The following NBPF26 variants were observed in gnomAD, a reference collection of about 807,000 sequenced individuals.
NBPF26 encodes the protein NBPF family member NBPF26.
NBPF26 carries 79 observed loss-of-function variants against 119.6 expected under a neutral mutation model. The ratio of observed to expected loss-of-function variants is 0.66; its 90% CI spans 0.55 to 0.80. NBPF26 has a LOEUF of 0.80. Ranked by LOEUF, NBPF26 falls within the 30% of genes least tolerant of loss-of-function variation. The pLI, the probability that NBPF26 is intolerant of heterozygous loss-of-function variation, is 0.00. For synonymous variants in NBPF26, 299 were observed against 457.7 expected, an observed-to-expected ratio of 0.65 and a Z score of 4.43; for missense variants, 800 against 1,198.2, an observed-to-expected ratio of 0.67 and a Z score of 4.91.
At position 120,812,038 on chromosome 1, in the gene NBPF26, G is replaced by T. The variant is rs1651881852; in HGVS notation, c.1717G>T (p.Glu573Ter). The T allele has an allele frequency of 1.6e-5, 21 of 1,288,460 alleles. 2 individuals carry two copies. Among genetic ancestry groups the T allele is most frequent in the Non-Finnish European group, 2.2e-5 (21 of 943,522 alleles). 79.8% of individuals were successfully genotyped at this position (1,288,460 alleles called of 1,614,324 possible). ...GAAACAGCAGTTCAGAAACCTCAAA[G>T]AGAAATGTTTTCTAACTCAACTGGC... is the stretch of plus-strand genomic sequence containing the variant. Residue 573 changes from glutamate to a stop codon, truncating the protein, a stop_gained, in exon 10 of 30, where the codon GAG becomes TAG. Transcript: ENST00000620612. LOFTEE classifies it high-confidence loss of function.
rs1485397533 is a variant in NBPF26, at chr1:120,724,488, G to C, written c.73+238G>C. On this transcript the variant is annotated intron_variant, in intron 1 of 29. Transcript: ENST00000620612. Reference sequence around the variant, plus strand: ...CCCCGCGGCCCGGGACCCCTCACACGCCTCCTCGGCAGGAGGGAGGCCGGC... The same window carrying C: ...CCCCGCGGCCCGGGACCCCTCACACCCCTCCTCGGCAGGAGGGAGGCCGGC... Among the ~76,000 whole-genome samples, 14 of 121,266 alleles carry C rather than the reference G, an allele frequency of 1.2e-4. 3 individuals are homozygous for C. Among genetic ancestry groups the C allele is most frequent in the Admixed American group, 6.2e-4 (8 of 13,002 alleles). The allele number at this position is 121,266 out of a possible 152,430, so 79.6% of individuals were successfully genotyped here.
intron 2 of NBPF26, among the ~76,000 whole-genome samples, chr1:120,764,034 G>A (rs1227295912): frequency 3.5e-5 from 4 of 114,124 alleles, no homozygotes; most frequent in Non-Finnish European, 6.7e-5. Context: ...GAATCACGAG[G>A]TCAGGAGTTC....
intron 9 of NBPF26, 40 bp from the exon 10 acceptor site, chr1:120,811,846 A>G: frequency 1.4e-6 from 1 of 735,856 alleles, no homozygotes; most frequent in Non-Finnish European, 2.3e-6. Context: ...TGATTTCACC[A>G]GTTTTTAACC....
intron 2 of NBPF26, among the ~76,000 whole-genome samples, chr1:120,781,838 G>T (rs1651365309): frequency 8.5e-6 from 1 of 117,496 alleles, no homozygotes; most frequent in African/African-American, 4.8e-5. Context: ...GATTACTGGT[G>T]TGAGCCACCG....
At chr1:120,790,476 C>T (rs1226318413) in intron 3 of NBPF26, among the ~76,000 whole-genome samples, 2 of 116,448 alleles carry the variant, frequency 1.7e-5, no homozygotes, top group Non-Finnish European at 3.3e-5. Flanking sequence ...AAGTTAGTGC[C>T]TATACATAAT....
downstream of NBPF26, chr1:120,840,887 A>T (rs1315498376): frequency 1.5e-5 from 7 of 467,498 alleles, 2 homozygotes; most frequent in Non-Finnish European, 2.5e-5. Context: ...TTCCTCAGGG[A>T]TGTCATTTTG....
At chr1:120,820,445 AAAATAT>A (rs1176498047) in intron 15 of NBPF26, among the ~76,000 whole-genome samples, 5 of 18,948 alleles carry the variant, frequency 2.6e-4, no homozygotes, top group South Asian at 3.8e-3. Context: ...TAAAGTATTA[AAAATAT>A]ATATATATAT....
At chr1:120,814,734 C>G in intron 11 of NBPF26, 95 bp from the exon 12 acceptor site, 1 of 758,208 alleles carries the variant, frequency 1.3e-6, no homozygotes, top group Non-Finnish European at 2.3e-6. Context: ...TTCGAGGTCT[C>G]CTTGAGGACA....
chr1:120,805,671 G>T lies in NBPF26; in HGVS notation c.867G>T (p.Gln289His). ...AAATCAACGAGACATTGCGCCCCCA[G>T]CTGCCAGAGAACAAACAGCAGTTGA... The change falls in exon 5 of 30, where the codon CAG becomes CAT. Residue 289 changes from glutamine (Q) to histidine (H), a missense_variant. Gln to His is a conservative substitution (Grantham distance 24). Transcript: ENST00000620612. The T allele has an allele frequency of 2.1e-6, 3 of 1,458,518 alleles. 1 individual carries two copies. The highest frequency in any genetic ancestry group is 2.8e-6 in the Non-Finnish European group (3 of 1,079,560). The allele number at this position is 1,458,518 out of a possible 1,614,324, so 90.3% of individuals were successfully genotyped here.
At chr1:120,808,057 T>A (rs1651747923) in intron 6 of NBPF26, among the ~76,000 whole-genome samples, 2 of 120,476 alleles carry the variant, frequency 1.7e-5, no homozygotes, top group South Asian at 5.0e-4. Context: ...GAGAATCACC[T>A]CCTGACTGAC....
intron 7 of NBPF26, among the ~76,000 whole-genome samples, 181 bp downstream of exon 7, chr1:120,808,940 C>T (rs1651780870): frequency 9.4e-6 from 1 of 106,564 alleles, no homozygotes; most frequent in Non-Finnish European, 1.8e-5. Flanking sequence ...GTTTGGAGGT[C>T]ACAGTATTGC....
chr1:120,768,988 TG>T (rs1651226328), intron 2 of NBPF26, among the ~76,000 whole-genome samples: 1 of 108,822 alleles, frequency 9.2e-6, no homozygotes, highest in South Asian at 2.8e-4. Context: ...AAATATAAAG[TG>T]TTATAAAATA....
chr1:120,724,209 C>T lies in NBPF26; in HGVS notation c.32C>T (p.Ala11Val), dbSNP rs1283199927. The T allele has an allele frequency of 3.0e-5, 42 of 1,405,712 alleles. 9 individuals carry two copies. The highest frequency in any genetic ancestry group is 2.2e-4 in the East Asian group (9 of 41,208). The allele number at this position is 1,405,712 out of a possible 1,614,324, so 87.1% of individuals were successfully genotyped here. ...GCCCTGCGTCCCGCTCTGCTGTGGG[C>T]GCTGCTGGCGCTCTGGCTGTGCTGG... The change falls in exon 1 of 30, where the codon GCG (alanine) becomes GTG (valine). Residue 11 changes from alanine (A) to valine (V), a missense_variant. Physicochemically the swap from Ala to Val is moderately conservative, Grantham distance 64. Transcript: ENST00000620612.
chr1:120,816,833 C>G lies in NBPF26; in HGVS notation c.2371+6C>G, dbSNP rs1652018224. The stretch of plus-strand genomic sequence containing the variant: ...TGCTGTACACATTATTCCAGGTAGC[C>G]TCTGTTTTCCTTGTGTCTCATACCT... On this transcript the variant is annotated splice_donor_region_variant and intron_variant, in intron 14 of 29. Transcript: ENST00000620612. 46 of 1,448,050 alleles carry G rather than the reference C, an allele frequency of 3.2e-5. 11 individuals are homozygous for G. The South Asian group carries it at 5.5e-4, about 17-fold the overall frequency. The allele number at this position is 1,448,050 out of a possible 1,614,324, so 89.7% of individuals were successfully genotyped here.
Position 120,728,605 on chromosome 1 carries a change from A to G in NBPF26, c.73+4355A>G, listed in dbSNP as rs1387661700. On this transcript the variant is annotated intron_variant, in intron 1 of 29. Coordinates refer to ENST00000620612, the Ensembl canonical transcript of NBPF26. ...GTATTACTGTATTACTAGGCCAGCA[A>G]TTTCTGTTATTTTGTCCAGAATAGC... Among the ~76,000 whole-genome samples the G allele has an allele frequency of 3.4e-5, 4 of 117,330 alleles. 1 individual carries two copies. Among genetic ancestry groups the G allele is most frequent in the African/African-American group, 2.0e-4 (4 of 20,160 alleles). The allele number at this position is 117,330 out of a possible 152,430, so 77.0% of individuals were successfully genotyped here.
intron 2 of NBPF26, among the ~76,000 whole-genome samples, chr1:120,765,279 GTGGCATT>G (rs1485805427): frequency 1.3e-5 from 1 of 79,340 alleles, no homozygotes; most frequent in East Asian, 2.6e-4. Context: ...TAGTCTTTTT[GTGGCATT>G]TGGTGCCTTA....
In NBPF26 at chr1:120,763,664, A is replaced by G. The variant is rs1267349394; in HGVS notation, c.110A>G (p.Asn37Ser). 5 of 1,416,002 alleles carry G rather than the reference A, an allele frequency of 3.5e-6. No individual in the cohort carries two copies. The East Asian group carries it at 1.2e-4, about 33-fold the overall frequency. The allele number at this position is 1,416,002 out of a possible 1,614,324, so 87.7% of individuals were successfully genotyped here. The change falls in exon 2 of 30, where the codon AAT becomes AGT. Residue 37 changes from asparagine (N) to serine (S), a missense_variant. Asn to Ser is a conservative substitution (Grantham distance 46). Coordinates refer to ENST00000620612, the Ensembl canonical transcript of NBPF26. ...CGAGATGGCTATGAACCCTGTGTAAATAAAGGAATGTGTGTTACCTACCAC... is the reference window on the plus strand; with the variant it reads ...CGAGATGGCTATGAACCCTGTGTAAGTAAAGGAATGTGTGTTACCTACCAC...
In NBPF26 at chr1:120,793,439, A is replaced by G. The variant is rs1651517350; in HGVS notation, c.694A>G (p.Asn232Asp). The change falls in exon 4 of 30, where the codon AAT (asparagine) becomes GAT (aspartate). Residue 232 changes from asparagine (N) to aspartate (D), a missense_variant. Coordinates refer to ENST00000620612, the Ensembl canonical transcript of NBPF26. ...GCCCTGTGCACACTCGCCTTGTGTC[A>G]ATGGAGGCACCTGTCGGCAGACTGG... The G allele has an allele frequency of 2.8e-6, 4 of 1,441,670 alleles. 1 individual carries two copies. Among genetic ancestry groups the G allele is most frequent in the African/African-American group, 5.3e-5 (2 of 37,898 alleles). 89.3% of individuals were successfully genotyped at this position (1,441,670 alleles called of 1,614,324 possible). A position where few individuals can be genotyped will look rare whatever the true frequency, so the allele number is the denominator to read the frequency against.
rs1297436775 is a variant in NBPF26, at chr1:120,751,597, C to T, written c.74-12031C>T. ...AGGTAGGCCAGGGCATCTGCTCGTT[C>T]GCTCGCTCGCTTGCTCTTTCTCTCT... is the stretch of plus-strand genomic sequence containing the variant. On this transcript the variant is annotated intron_variant, in intron 1 of 29. Transcript: ENST00000620612. Among the ~76,000 whole-genome samples the T allele has an allele frequency of 3.6e-5, 2 of 56,326 alleles. 1 individual carries two copies. Among genetic ancestry groups the T allele is most frequent in the Non-Finnish European group, 8.2e-5 (2 of 24,430 alleles). The allele number at this position is 56,326 out of a possible 152,430, so 37.0% of individuals were successfully genotyped here.
Sources: allele counts gnomAD v4.1 joint callset (sites outside exome capture counted in the v4.1 genomes callset), GRCh38; gene constraint gnomAD v4.1.1; transcripts MANE v1.5; gene names NCBI Gene and HGNC (gene_info 2026-07-23, HGNC 2026-07-21).